The following DKC1 variants were observed in gnomAD, a reference collection of about 807,000 sequenced individuals.
DKC1 encodes the protein H/ACA ribonucleoprotein complex subunit DKC1.
Under a neutral mutation model 46.7 loss-of-function variants are expected in DKC1, and 4 were observed. The observed-to-expected ratio is 0.09, with a 90% CI of 0.04 to 0.20. The LOEUF (loss-of-function observed/expected upper bound fraction) is 0.20, where lower values mean the gene tolerates loss of function less well. DKC1 is among the 10% of genes least tolerant of loss of function. The probability of loss-of-function intolerance (pLI) is 1.00; values close to 1 mark genes in which losing one functional copy is unlikely to be tolerated. For missense variants in DKC1, 171 were observed against 404.2 expected (o/e 0.42, Z 4.95); for synonymous variants, 141 against 142.4 (o/e 0.99, Z 0.07).
intron 6 of DKC1, 77 bp from the exon 7 acceptor site, chrX:154,767,179 G>C: frequency 1.7e-6 from 2 of 1,197,042 alleles, no homozygotes; most frequent in Non-Finnish European, 1.1e-6. Context: ...TCAGTCGGCT[G>C]CTGCAGCCAG....
intron 3 of DKC1, 98 bp downstream of exon 3, chrX:154,765,628 A>T: frequency 1.3e-6 from 1 of 741,539 alleles, no homozygotes; most frequent in Non-Finnish European, 2.1e-6. Context: ...GGCATCCTTG[A>T]CTTTGGGAAG....
At chrX:154,769,051 G>T in intron 8 of DKC1, 116 bp from the exon 9 acceptor site, 6 of 515,565 alleles carry the variant, frequency 1.2e-5, no homozygotes, top group Non-Finnish European at 2.0e-5. Flanking sequence ...TGAAGAGGCT[G>T]AAGACATAAT....
intron 11 of DKC1, among the ~76,000 whole-genome samples, chrX:154,774,217 G>A (rs2148516135): frequency 8.9e-6 from 1 of 112,051 alleles, no homozygotes; most frequent in East Asian, 2.8e-4. Context: ...TCTGTCACCT[G>A]GAGTGTCCAC....
At chrX:154,772,862 C>T (rs1304844739) in intron 10 of DKC1, among the ~76,000 whole-genome samples, 1 of 111,755 alleles carries the variant, frequency 8.9e-6, no homozygotes, top group African/African-American at 3.3e-5. Flanking sequence ...TTCTTATAGA[C>T]GTCTTGAGCT....
chrX:154,773,056 CAGT>C, intron 10 of DKC1, 72 bp from the exon 11 acceptor site: 1 of 723,966 alleles, frequency 1.4e-6, no homozygotes, highest in Non-Finnish European at 2.2e-6. Flanking sequence ...TGGCATACAA[CAGT>C]AGAATTGGGG....
chrX:154,768,185 TAAG>T, intron 7 of DKC1, 114 bp from the exon 8 acceptor site: 1 of 937,864 alleles, frequency 1.1e-6, no homozygotes, highest in Non-Finnish European at 1.5e-6. Context: ...GCTTATATTT[TAAG>T]AAGTGTGTCT....
intron 9 of DKC1, among the ~76,000 whole-genome samples, chrX:154,770,468 A>T (rs978304079): frequency 3.6e-4 from 6 of 16,520 alleles, no homozygotes; most frequent in South Asian, 3.6e-3. Context: ...CCTGAAAATT[A>T]AAAAAAAAAA....
intron 3 of DKC1, 62 bp downstream of exon 3, chrX:154,765,592 A>G: frequency 1.1e-6 from 1 of 901,247 alleles, no homozygotes; most frequent in Non-Finnish European, 1.6e-6. Flanking sequence ...CAAGTGTTAA[A>G]CAATTGATTG....
intron 11 of DKC1, among the ~76,000 whole-genome samples, chrX:154,774,072 TGGAAACA>T (rs782100680): frequency 2.7e-3 from 298 of 112,186 alleles, no homozygotes; most frequent in African/African-American, 9.4e-3. Flanking sequence ...TGTCGATGAG[TGGAAACA>T]GGCCCTGTCT....
Position 154,762,992 on chromosome X carries a change from C to T in DKC1, c.16+11C>T. 2 of 1,178,697 alleles carry T rather than the reference C, an allele frequency of 1.7e-6. No individual in the cohort carries two copies. The highest frequency in any genetic ancestry group is 1.1e-6 in the Non-Finnish European group (1 of 878,235). On this transcript the variant is annotated intron_variant, in intron 1 of 14. Coordinates refer to ENST00000369550, the MANE Select transcript of DKC1 (RefSeq NM_001363.5). Reference sequence around the variant, plus strand: ...TGGCGGATGCGGAAGGTAAGGGCTGCAGGCTTCCGGGCCGTGCTAACTCCG... The same window carrying T: ...TGGCGGATGCGGAAGGTAAGGGCTGTAGGCTTCCGGGCCGTGCTAACTCCG...
chrX:154,771,410 T>G (rs1268870142), intron 10 of DKC1, among the ~76,000 whole-genome samples: 1 of 108,851 alleles, frequency 9.2e-6, no homozygotes, highest in African/African-American at 3.4e-5. Flanking sequence ...CAGGCTGGTC[T>G]CGAACTTCTG....
rs782343800 is a variant in DKC1 at position 154,764,902 on chromosome X, T to C, written c.20T>C (p.Ile7Thr). The change falls in exon 2 of 15, where the codon ATT (isoleucine) becomes ACT (threonine). Residue 7 changes from isoleucine (I) to threonine (T), a missense_variant. Around this residue, in one of 4 missense-constraint regions of DKC1, gnomAD observed 41 missense variants for 117.3 expected, o/e 0.35. Transcript: ENST00000369550. MADAEVIILPKKHKKKK... is the reference protein window; with the variant it reads MADAEVTILPKKHKKKK... ...AATCCTGTGTTTGTTTTTTTAGTAATTATTTTGCCAAAGAAACATAAGAAG... is the reference window on the plus strand; with the variant it reads ...AATCCTGTGTTTGTTTTTTTAGTAACTATTTTGCCAAAGAAACATAAGAAG... 6.7e-6 allele frequency: 8 copies of C among 1,200,379 alleles called. No homozygotes were observed. In the Admixed American group the frequency reaches 1.7e-4, roughly 26 times the overall value.
intron 10 of DKC1, among the ~76,000 whole-genome samples, chrX:154,771,983 A>G (rs782585921): frequency 4.6e-4 from 52 of 112,281 alleles, no homozygotes; most frequent in African/African-American, 1.7e-3. Context: ...ACAGTGTACA[A>G]AGGTTCCCTT....
intron 7 of DKC1, chrX:154,767,999 C>T (rs781855179): frequency 6.8e-5 from 19 of 278,145 alleles, no homozygotes; most frequent in Admixed American, 3.6e-4. Context: ...TATAGGCGCC[C>T]GCCATCATGC....
Position 154,767,289 on chromosome X carries a change from C to T in DKC1, c.547C>T (p.Arg183Ter). ...AACTCTGACAGGTGCCTTATTCCAG[C>T]GACCCCCACTTATTGCTGCAGTAAA... ...LETLTGALFQRPPLIAAVKRQ... is the reference protein window; with the variant it reads ...LETLTGALFQ The change falls in exon 7 of 15, where the codon CGA (arginine) becomes TGA (stop). Residue 183 changes from arginine to a stop codon, truncating the protein, a stop_gained. Coordinates refer to ENST00000369550, the MANE Select transcript of DKC1 (RefSeq NM_001363.5). LOFTEE classifies it high-confidence loss of function. 1 of 1,211,371 alleles carries T rather than the reference C, an allele frequency of 8.3e-7. No individual in the cohort carries two copies. Among genetic ancestry groups the T allele is most frequent in the Non-Finnish European group, 1.1e-6 (1 of 895,250 alleles).
chrX:154,763,605 C>G (rs1188042069), intron 1 of DKC1, among the ~76,000 whole-genome samples: 1 of 112,016 alleles, frequency 8.9e-6, no homozygotes, highest in Non-Finnish European at 1.9e-5. Context: ...ATACATTTGG[C>G]CTTACACACC....
chrX:154,771,029 A>G (rs1302817254), intron 10 of DKC1, 150 bp downstream of exon 10: 1 of 557,161 alleles, frequency 1.8e-6, no homozygotes, highest in East Asian at 3.6e-5. Context: ...TTAAGCATTT[A>G]TCCTTTGTGT....
chrX:154,769,412 G>T, intron 9 of DKC1, 102 bp downstream of exon 9: 5 of 947,544 alleles, frequency 5.3e-6, no homozygotes, highest in Non-Finnish European at 7.5e-6. Flanking sequence ...TTTTTTTCAA[G>T]TCCAAACCAA....
At chrX:154,776,751 C>A in intron 14 of DKC1, 48 bp from the exon 15 acceptor site, 1 of 1,143,482 alleles carries the variant, frequency 8.7e-7, no homozygotes, top group Non-Finnish European at 1.2e-6. Flanking sequence ...AGAGTCATAG[C>A]TTTGTTAGTG....
Sources: gnomAD v4.1 joint callset for allele counts (sites outside exome capture counted in the v4.1 genomes callset) on GRCh38, gnomAD v4.1.1 for gene constraint, gnomAD v4.1.1 regional missense constraint, MANE v1.5 for transcripts, NCBI Gene and HGNC (gene_info 2026-07-23, HGNC 2026-07-21) for gene names.